HECTD2: variants seen among roughly 807,000 people sequenced by gnomAD.
The protein encoded by HECTD2 is probable E3 ubiquitin-protein ligase HECTD2.
Under a neutral mutation model 103.2 loss-of-function variants are expected in HECTD2, and 35 were observed. The observed-to-expected ratio is 0.34, with a 90% confidence interval of 0.26 to 0.45. The LOEUF is 0.45. Ranked by LOEUF, HECTD2 falls within the 20% of genes least tolerant of loss-of-function variation. HECTD2 has a pLI of 1.00. For synonymous variants in HECTD2, 281 were observed against 329.9 expected (o/e 0.85, Z 1.61); for missense variants, 596 against 937.4 (o/e 0.64, Z 4.76).
At chr10:91,434,626 TTC>T (rs1164316814) in intron 2 of HECTD2, among the ~76,000 whole-genome samples, 3 of 136,764 alleles carry the variant, frequency 2.2e-5, no homozygotes, top group African/African-American at 1.1e-4. Context: ...TTTTTTGTTC[TTC>T]TTTTTTTGGG....
chr10:91,433,323 C>T (rs1227739846), intron 2 of HECTD2, among the ~76,000 whole-genome samples: 2 of 151,916 alleles, frequency 1.3e-5, no homozygotes, highest in East Asian at 1.9e-4. Context: ...CACTTTCACT[C>T]TCTTTTCTGT....
intron 17 of HECTD2, 36 bp from the exon 18 acceptor site, chr10:91,499,008 C>T (rs755638398): frequency 1.3e-6 from 2 of 1,555,290 alleles, no homozygotes; most frequent in Admixed American, 1.7e-5. Context: ...TTGCCATTTA[C>T]TTTTACTATT....
Position 91,461,295 on chromosome 10 carries a change from C to T in HECTD2, c.449C>T (p.Ala150Val). The change falls in exon 4 of 21, where the codon GCA becomes GTA. Residue 150 changes from alanine (A) to valine (V), a missense_variant. Coordinates refer to ENST00000298068, the MANE Select transcript of HECTD2 (RefSeq NM_182765.6). ...EKVKSSGDWK[A>V]VHDFYLTTFD... is the part of the protein sequence containing the mutation. Reference sequence around the variant, plus strand: ...GTTAAGTCATCAGGAGATTGGAAAGCAGTACATGATTTTTATCTAACAACG... The same window carrying T: ...GTTAAGTCATCAGGAGATTGGAAAGTAGTACATGATTTTTATCTAACAACG... 5 of 1,554,606 alleles carry T rather than the reference C, an allele frequency of 3.2e-6. No homozygotes were observed. The highest frequency in any genetic ancestry group is 4.3e-6 in the Non-Finnish European group (5 of 1,152,000).
At chr10:91,419,633 T>A (rs1843270498) in intron 1 of HECTD2, among the ~76,000 whole-genome samples, 1 of 152,142 alleles carries the variant, frequency 6.6e-6, no homozygotes, top group African/African-American at 2.4e-5. Context: ...GCCTAGAGAG[T>A]CAGGTCTATT....
chr10:91,464,044 C>T (rs1845447129), intron 5 of HECTD2, among the ~76,000 whole-genome samples: 1 of 152,072 alleles, frequency 6.6e-6, no homozygotes, highest in Non-Finnish European at 1.5e-5. Context: ...ATCTAGTCCT[C>T]GAGGGATCCA....
chr10:91,462,223 T>C (rs1347539623), intron 5 of HECTD2, 39 bp downstream of exon 5: 6 of 1,513,136 alleles, frequency 4.0e-6, no homozygotes, highest in Non-Finnish European at 5.3e-6. Context: ...ATTCTGTGTC[T>C]CTTCTGTATA....
At chr10:91,428,986 C>T (rs1214476543) in intron 2 of HECTD2, among the ~76,000 whole-genome samples, 17 of 152,032 alleles carry the variant, frequency 1.1e-4, no homozygotes, top group African/African-American at 3.4e-4. Flanking sequence ...CCAGTTTTTG[C>T]CCATTCAGTG....
At chr10:91,496,741 TG>T (rs1410586735) in intron 15 of HECTD2, among the ~76,000 whole-genome samples, 1 of 152,116 alleles carries the variant, frequency 6.6e-6, no homozygotes, top group African/African-American at 2.4e-5. Context: ...AGCCTAGATT[TG>T]TATGAAAATT....
chr10:91,419,884 C>T (rs751771147), intron 1 of HECTD2, among the ~76,000 whole-genome samples: 18 of 152,212 alleles, frequency 1.2e-4, no homozygotes, highest in South Asian at 2.1e-4. Flanking sequence ...TCATAGATAA[C>T]GTATACAAAA....
intron 2 of HECTD2, among the ~76,000 whole-genome samples, chr10:91,433,695 G>A (rs1843994523): frequency 6.6e-6 from 1 of 151,836 alleles, no homozygotes; most frequent in Non-Finnish European, 1.5e-5. Flanking sequence ...TTATCTATAG[G>A]ATATTTCTAG....
At chr10:91,492,142 G>T (rs1846505774) in intron 12 of HECTD2, among the ~76,000 whole-genome samples, 1 of 152,180 alleles carries the variant, frequency 6.6e-6, no homozygotes. Flanking sequence ...TGAAGTACCT[G>T]ACCTCTCTAA....
intron 2 of HECTD2, among the ~76,000 whole-genome samples, chr10:91,454,589 C>CT (rs1208951011): frequency 4.6e-5 from 7 of 151,216 alleles, no homozygotes; most frequent in South Asian, 4.2e-4. Context: ...TTTTTTAATA[C>CT]TTTAAGTTCT....
intron 20 of HECTD2, among the ~76,000 whole-genome samples, chr10:91,508,309 A>G (rs1847276615): frequency 6.9e-6 from 1 of 144,704 alleles, no homozygotes; most frequent in Non-Finnish European, 1.5e-5. Flanking sequence ...GCACAGCAAA[A>G]GAAACTACCA....
intron 2 of HECTD2, among the ~76,000 whole-genome samples, chr10:91,452,466 C>G (rs1332762141): frequency 6.6e-6 from 1 of 151,908 alleles, no homozygotes; most frequent in African/African-American, 2.4e-5. Context: ...AATATAATCC[C>G]CAGTGTAGCA....
chr10:91,451,054 A>G (rs144829494), intron 2 of HECTD2, among the ~76,000 whole-genome samples: 6 of 152,172 alleles, frequency 3.9e-5, no homozygotes, highest in Non-Finnish European at 5.9e-5. Flanking sequence ...TCATTCTGCT[A>G]TAAAGACACA....
intron 20 of HECTD2, among the ~76,000 whole-genome samples, chr10:91,505,153 A>C (rs1847099439): frequency 1.3e-5 from 2 of 152,242 alleles, no homozygotes; most frequent in South Asian, 4.2e-4. Context: ...AACCGGTACC[A>C]GCCGCTGCAA....
At chr10:91,480,673 G>T (rs1239518044) in intron 6 of HECTD2, among the ~76,000 whole-genome samples, 1 of 151,954 alleles carries the variant, frequency 6.6e-6, no homozygotes, top group Non-Finnish European at 1.5e-5. Flanking sequence ...AGTATGATTT[G>T]ATTTACAGAC....
At chr10:91,505,453 A>G (rs1247562365) in intron 20 of HECTD2, among the ~76,000 whole-genome samples, 2 of 151,852 alleles carry the variant, frequency 1.3e-5, no homozygotes, top group East Asian at 3.9e-4. Flanking sequence ...GGAAAACAAA[A>G]AAAGGCAGGG....
chr10:91,445,136 G>A (rs929812127), intron 2 of HECTD2, among the ~76,000 whole-genome samples: 16 of 152,106 alleles, frequency 1.1e-4, no homozygotes, highest in African/African-American at 3.1e-4. Context: ...CACAACTCTC[G>A]TTGGAAACTT....
Sources: gnomAD v4.1 joint callset for allele counts (sites outside exome capture counted in the v4.1 genomes callset) on GRCh38, gnomAD v4.1.1 for gene constraint, MANE v1.5 for transcripts, NCBI Gene and HGNC (gene_info 2026-07-23, HGNC 2026-07-21) for gene names.